Variants in GMPPA observed in about 807,000 individuals in gnomAD.
The protein encoded by GMPPA is mannose-1-phosphate guanylyltransferase regulatory subunit alpha.
In GMPPA, 46 loss-of-function variants were observed where a neutral mutation model predicts 58.6. That is an observed-to-expected ratio of 0.78 (90% CI 0.62 to 1.00). The LOEUF (loss-of-function observed/expected upper bound fraction) is 1.00, where lower values mean the gene tolerates loss of function less well. Ranked by LOEUF, GMPPA falls within the 50% of genes least tolerant of loss-of-function variation. GMPPA has a pLI of 0.00. For missense variants in GMPPA, 468 were observed against 556.4 expected, an observed-to-expected ratio of 0.84 and a Z score of 1.60; for synonymous variants, 211 against 214.9, an observed-to-expected ratio of 0.98 and a Z score of 0.16.
At position 219,500,107 on chromosome 2, in the gene GMPPA, C is replaced by T. The variant is rs757225477; in HGVS notation, c.41-14C>T. Reference sequence around the variant, plus strand: ...AGGCAGGAGGCCGAAATGTTCTCCTCTCTCCTCTCCCAGGAACTCGCTTCA... The same window carrying T: ...AGGCAGGAGGCCGAAATGTTCTCCTTTCTCCTCTCCCAGGAACTCGCTTCA... On this transcript the variant is annotated splice_polypyrimidine_tract_variant and intron_variant, in intron 2 of 12. Coordinates refer to ENST00000313597, the MANE Select transcript of GMPPA (RefSeq NM_013335.4). 3.1e-6 allele frequency: 5 copies of T among 1,605,040 alleles called. No homozygotes were observed. Among genetic ancestry groups the T allele is most frequent in the Non-Finnish European group, 8.5e-7 (1 of 1,173,342 alleles).
Position 219,506,352 on chromosome 2 carries a change from T to C in GMPPA, c.1092T>C (p.Asp364=). The C allele has an allele frequency of 6.2e-7, 1 of 1,613,768 alleles. No homozygotes were observed. The highest frequency in any genetic ancestry group is 8.5e-7 in the Non-Finnish European group (1 of 1,179,968). The part of the protein sequence containing the change: ...EGTPSDPNPN[D]PRARMDSESL... Reference sequence around the variant, plus strand: ...CCCCCAGTGACCCTAACCCCAACGATCCCCGAGCCCGCATGGACAGTGAGA... The same window carrying C: ...CCCCCAGTGACCCTAACCCCAACGACCCCCGAGCCCGCATGGACAGTGAGA... Residue 364 remains aspartate, a synonymous_variant, in exon 12 of 13, where the codon GAT becomes GAC. Transcript: ENST00000313597.
intron 6 of GMPPA, among the ~76,000 whole-genome samples, chr2:219,503,447 G>C (rs748223493): frequency 6.6e-5 from 10 of 152,074 alleles, no homozygotes; most frequent in Non-Finnish European, 1.2e-4. Flanking sequence ...CCTTTTATTT[G>C]TTCGTGCTTT....
intron 3 of GMPPA, 197 bp downstream of exon 3, chr2:219,500,415 G>A (rs1694350155): frequency 1.7e-6 from 1 of 596,286 alleles, no homozygotes; most frequent in African/African-American, 1.9e-5. Context: ...TTCTCATCTG[G>A]CCTCTTCCTG....
intron 11 of GMPPA, 46 bp downstream of exon 11, chr2:219,506,118 C>T (rs373367877): frequency 2.5e-5 from 36 of 1,462,532 alleles, no homozygotes; most frequent in Middle Eastern, 1.8e-4. Flanking sequence ...CAAGAGGCTG[C>T]GGGGAGGGCC....
At chr2:219,499,919 G>T (rs1694328977) in intron 1 of GMPPA, 37 bp from the exon 2 acceptor site, 10 of 1,536,282 alleles carry the variant, frequency 6.5e-6, no homozygotes, top group Non-Finnish European at 9.0e-6. Flanking sequence ...GGTTGGGGTA[G>T]GAGATCTGAG....
In GMPPA at chr2:219,502,184, G is replaced by A. The variant is rs1221048909; in HGVS notation, c.429+147G>A. ...AGATGCGCTGCTCTGGCAGCATGGA[G>A]GTGTTAGTGGAGACCCCGAGCCCTC... On this transcript the variant is annotated intron_variant, in intron 5 of 12. Transcript: ENST00000313597. This position sits in a 1 kb window ranked among gnomAD's most constrained non-coding sequence, Gnocchi z 4.0. 3.3e-6 allele frequency: 3 copies of A among 914,308 alleles called. No homozygotes were observed. The highest frequency in any genetic ancestry group is 5.1e-6 in the Non-Finnish European group (3 of 584,574). The allele number at this position is 914,308 out of a possible 1,614,324, so 56.6% of individuals were successfully genotyped here.
rs1214340394 is a variant in GMPPA at position 219,502,369 on chromosome 2, G to A, written c.430-13G>A. On this transcript the variant is annotated splice_polypyrimidine_tract_variant and intron_variant, in intron 5 of 12. Transcript: ENST00000313597. The surrounding 1 kb of genome is among the most constrained non-coding windows in gnomAD (Gnocchi z 4.0). ...GCAGGCGGGTCACTGTCTCGGGTGT[G>A]TCTGTCTTTCAGGCTAACAGGACGC... The A allele has an allele frequency of 3.7e-6, 6 of 1,613,080 alleles. No homozygotes were observed. In the South Asian group the frequency reaches 6.6e-5, roughly 18 times the overall value.
rs1694419815 is a variant in GMPPA, at chr2:219,502,128, G to A, written c.429+91G>A. ...GTGTTGGGGAGGCAGGGGCGCCCCG[G>A]GAGTTGGTGTGGGAGCTGGCGTCAG... On this transcript the variant is annotated intron_variant, in intron 5 of 12. Coordinates refer to ENST00000313597, the MANE Select transcript of GMPPA (RefSeq NM_013335.4). The surrounding 1 kb of genome is among the most constrained non-coding windows in gnomAD (Gnocchi z 4.0). The A allele has an allele frequency of 7.5e-7, 1 of 1,342,036 alleles. No homozygotes were observed. Among genetic ancestry groups the A allele is most frequent in the Non-Finnish European group, 1.0e-6 (1 of 953,254 alleles). The allele number at this position is 1,342,036 out of a possible 1,614,324, so 83.1% of individuals were successfully genotyped here. A position where few individuals can be genotyped will look rare whatever the true frequency, so the allele number is the denominator to read the frequency against.
intron 10 of GMPPA, 70 bp from the exon 11 acceptor site, chr2:219,505,910 C>A: frequency 8.3e-7 from 1 of 1,207,206 alleles, no homozygotes; most frequent in Non-Finnish European, 1.2e-6. Context: ...CTTATCTGTT[C>A]TAGAAGGGAG....
At position 219,504,108 on chromosome 2, in the gene GMPPA, G is replaced by A; in HGVS notation, c.515G>A (p.Ser172Asn). The A allele has an allele frequency of 6.2e-7, 1 of 1,614,078 alleles. No homozygotes were observed. Among genetic ancestry groups the A allele is most frequent in the Non-Finnish European group, 8.5e-7 (1 of 1,179,980 alleles). ...HEVLHYVEKP[S>N]TFISDIINCG... ...GTATTGCACTATGTGGAGAAACCCA[G>A]CACATTTATCAGTGACATCATCAAC... is the stretch of plus-strand genomic sequence containing the variant. The change falls in exon 7 of 13, where the codon AGC becomes AAC. Residue 172 changes from serine (S) to asparagine (N), a missense_variant. By Grantham distance (46) the Ser-to-Asn change is conservative. Transcript: ENST00000313597.
At chr2:219,506,654 C>A in intron 12 of GMPPA, 44 bp from the exon 13 acceptor site, 1 of 1,184,146 alleles carries the variant, frequency 8.4e-7, no homozygotes, top group Non-Finnish European at 1.3e-6. Flanking sequence ...CTGCCCCTGT[C>A]TCCCCTCCCA....
intron 1 of GMPPA, 142 bp from the exon 2 acceptor site, chr2:219,499,814 A>C (rs1694325619): frequency 3.0e-6 from 2 of 670,544 alleles, no homozygotes; most frequent in African/African-American, 1.9e-5. Context: ...GATGTGTGGG[A>C]TTTGTGAGGT....
chr2:219,505,316 T>C lies in GMPPA; in HGVS notation c.709T>C (p.Tyr237His), dbSNP rs201024187. The change falls in exon 8 of 13, where the codon TAC (tyrosine) becomes CAC (histidine). Residue 237 changes from tyrosine to histidine, a missense_variant. Transcript: ENST00000313597. ...FSALAGQGQI[Y>H]VHLTDGIWSQ... Reference sequence around the variant, plus strand: ...AGCCCTGGCAGGGCAGGGCCAGATATACGTGCATCTCACTGATGGTATCTG... The same window carrying C: ...AGCCCTGGCAGGGCAGGGCCAGATACACGTGCATCTCACTGATGGTATCTG... 15 of 1,614,014 alleles carry C rather than the reference T, an allele frequency of 9.3e-6. No homozygotes were observed. In the East Asian group the frequency reaches 3.3e-4, roughly 36 times the overall value.
intron 7 of GMPPA, chr2:219,504,503 C>T (rs1694506945): frequency 2.1e-6 from 1 of 481,648 alleles, no homozygotes; most frequent in Admixed American, 3.7e-5. Flanking sequence ...CAGACAGCAA[C>T]ACACAGTTGG....
In GMPPA at chr2:219,506,054, C is replaced by T. The variant is rs563311663; in HGVS notation, c.975C>T (p.Leu325=). ...TGCGGCTCCGGGAGAGCATCGTCCT[C>T]CATGGAGCCACTTTGCAGGTAGGTA... ...EGVRLRESIV[L]HGATLQEHTC... The change falls in exon 11 of 13, where the codon CTC becomes CTT. Residue 325 remains leucine (L), a synonymous_variant. Coordinates refer to ENST00000313597, the MANE Select transcript of GMPPA (RefSeq NM_013335.4). The T allele has an allele frequency of 5.0e-6, 8 of 1,587,980 alleles. No homozygotes were observed. The East Asian group carries it at 1.8e-4, about 36-fold the overall frequency.
chr2:219,502,479 G>A lies in GMPPA; in HGVS notation c.489+38G>A, dbSNP rs1409040822. The A allele has an allele frequency of 1.3e-6, 2 of 1,532,918 alleles. No homozygotes were observed. The highest frequency in any genetic ancestry group is 3.4e-5 in the Admixed American group (2 of 59,620). 95.0% of individuals were successfully genotyped at this position (1,532,918 alleles called of 1,614,324 possible). A position where few individuals can be genotyped will look rare whatever the true frequency, so the allele number is the denominator to read the frequency against. Reference sequence around the variant, plus strand: ...TGGGGGCTGGGTGGGTGCCTACTCTGTGTCATCATCCCCTCTACCTCAGGC... The same window carrying A: ...TGGGGGCTGGGTGGGTGCCTACTCTATGTCATCATCCCCTCTACCTCAGGC... On this transcript the variant is annotated intron_variant, in intron 6 of 12. Transcript: ENST00000313597. This position sits in a 1 kb window ranked among gnomAD's most constrained non-coding sequence, Gnocchi z 4.0.
intron 11 of GMPPA, 63 bp downstream of exon 11, chr2:219,506,135 TC>T (rs1559449039): frequency 6.9e-7 from 1 of 1,456,140 alleles, no homozygotes. Context: ...GGCCCAGGCA[TC>T]CCCCCAAGAA....
At chr2:219,501,384 C>T in intron 3 of GMPPA, 92 bp from the exon 4 acceptor site, 1 of 816,624 alleles carries the variant, frequency 1.2e-6, no homozygotes, top group East Asian at 2.4e-5. Flanking sequence ...GAGACTGAAA[C>T]TGGTTTCTGG....
Position 219,504,176 on chromosome 2 carries a change from C to G in GMPPA, c.583C>G (p.Arg195Gly), listed in dbSNP as rs147832114. The G allele has an allele frequency of 6.2e-7, 1 of 1,613,894 alleles. No homozygotes were observed. Among genetic ancestry groups the G allele is most frequent in the African/African-American group, 1.3e-5 (1 of 74,898 alleles). The change falls in exon 7 of 13, where the codon CGG (arginine) becomes GGG (glycine). Residue 195 changes from arginine (R) to glycine (G), a missense_variant. By Grantham distance (125) the Arg-to-Gly change is moderately radical (BLOSUM62 -2). Transcript: ENST00000313597. ...TTCTCCTGAAGCCTTGAAGCCTCTTCGGGATGTCTTCCAGCGTAATCAGCA... is the reference window on the plus strand; with the variant it reads ...TTCTCCTGAAGCCTTGAAGCCTCTTGGGGATGTCTTCCAGCGTAATCAGCA... ...LFSPEALKPL[R>G]DVFQRNQQDG...
Sources: allele counts gnomAD v4.1 joint callset (sites outside exome capture counted in the v4.1 genomes callset), GRCh38; gene constraint gnomAD v4.1.1; non-coding constraint Gnocchi (gnomAD v3.1); transcripts MANE v1.5; gene names NCBI Gene and HGNC (gene_info 2026-07-23, HGNC 2026-07-21).